The following AKAP10 variants were observed in gnomAD, a reference collection of about 807,000 sequenced individuals.
The protein encoded by AKAP10 is A-kinase anchor protein 10, mitochondrial.
Under a neutral mutation model 80.8 loss-of-function variants are expected in AKAP10, and 24 were observed. The ratio of observed to expected loss-of-function variants is 0.30; its 90% CI spans 0.22 to 0.42. The LOEUF (loss-of-function observed/expected upper bound fraction) is 0.42. Among genes scored for constraint, AKAP10 ranks in the 10% least tolerant of loss-of-function variants. The probability of loss-of-function intolerance (pLI) is 1.00; values close to 1 mark genes in which losing one functional copy is unlikely to be tolerated. For synonymous variants in AKAP10, 291 were observed against 277.7 expected (o/e 1.05, Z -0.48); for missense variants, 661 against 794.9 (o/e 0.83, Z 2.03).
intron 13 of AKAP10, among the ~76,000 whole-genome samples, 175 bp downstream of exon 13, chr17:19,909,751 C>G (rs1291875010): frequency 6.6e-6 from 1 of 152,122 alleles, no homozygotes; most frequent in South Asian, 2.1e-4. Context: ...TACTACCAGG[C>G]AATTGTTAGA....
chr17:19,956,333 G>A (rs1269897372), intron 4 of AKAP10, among the ~76,000 whole-genome samples: 1 of 152,088 alleles, frequency 6.6e-6, no homozygotes, highest in Admixed American at 6.5e-5. Flanking sequence ...CAAGAAACAT[G>A]TTCACGGCCA....
intron 2 of AKAP10, among the ~76,000 whole-genome samples, chr17:19,966,110 A>G (rs182045357): frequency 2.2e-4 from 33 of 152,302 alleles, no homozygotes; most frequent in Middle Eastern, 3.4e-3. Context: ...CATATATAAC[A>G]TATATAAATG....
At chr17:19,916,176 T>A (rs1003654879) in intron 12 of AKAP10, among the ~76,000 whole-genome samples, 20 of 152,212 alleles carry the variant, frequency 1.3e-4, no homozygotes, top group African/African-American at 4.6e-4. Flanking sequence ...AAATGCCACC[T>A]CCTCAGTGAG....
At position 19,946,252 on chromosome 17, in the gene AKAP10, T is replaced by A. The variant is rs1288838920; in HGVS notation, c.976+1155A>T. ...TATATATATATTATATATATATATA[T>A]ATATATATATATATATATATATATT... On this transcript the variant is annotated intron_variant, in intron 5 of 14. Coordinates refer to ENST00000225737, the MANE Select transcript of AKAP10 (RefSeq NM_007202.4). 3.1e-3 allele frequency among the ~76,000 whole-genome samples: 66 copies of A among 21,468 alleles called. 3 individuals are homozygous for A. Among genetic ancestry groups the A allele is most frequent in the African/African-American group, 0.012 (58 of 5,020 alleles). 14.1% of individuals were successfully genotyped at this position (21,468 alleles called of 152,430 possible). A position where few individuals can be genotyped will look rare whatever the true frequency, so the allele number is the denominator to read the frequency against.
At chr17:19,939,921 C>T in intron 7 of AKAP10, 72 bp from the exon 8 acceptor site, 1 of 1,493,230 alleles carries the variant, frequency 6.7e-7, no homozygotes, top group African/African-American at 1.4e-5. Flanking sequence ...AATCTATAAG[C>T]TCAAATATTA....
At chr17:19,950,726 GC>G (rs1202800076) in intron 4 of AKAP10, among the ~76,000 whole-genome samples, 2 of 152,052 alleles carry the variant, frequency 1.3e-5, no homozygotes, top group Non-Finnish European at 2.9e-5. Flanking sequence ...CTGCCCGGCC[GC>G]CACCCCGTCC....
chr17:19,954,986 G>A (rs1458974478), intron 4 of AKAP10, among the ~76,000 whole-genome samples: 2 of 151,922 alleles, frequency 1.3e-5, no homozygotes, highest in African/African-American at 2.4e-5. Context: ...TTGGGAGGCC[G>A]AGGCAGGTGG....
rs1491288818 is a variant in AKAP10, at chr17:19,946,237, T to TATTATA, written c.976+1169_976+1170insTATAAT. Among the ~76,000 whole-genome samples, 137 of 15,064 alleles carry TATTATA rather than the reference T, an allele frequency of 9.1e-3. 1 individual carries two copies. The highest frequency in any genetic ancestry group is 0.014 in the East Asian group (5 of 346). The allele number at this position is 15,064 out of a possible 152,430, so 9.9% of individuals were successfully genotyped here. On this transcript the variant is annotated intron_variant, in intron 5 of 14. Transcript: ENST00000225737. ...TATATATATTTTATATATATATATA[T>TATTATA]TATATATATATATATATATATATAT...
chr17:19,945,140 G>C (rs541616124), intron 5 of AKAP10, among the ~76,000 whole-genome samples: 1 of 152,254 alleles, frequency 6.6e-6, no homozygotes, highest in South Asian at 2.1e-4. Flanking sequence ...CAAATTCTTT[G>C]ATCACAAAAT....
chr17:19,924,824 T>A (rs189514459), intron 10 of AKAP10, among the ~76,000 whole-genome samples: 1 of 152,164 alleles, frequency 6.6e-6, no homozygotes, highest in East Asian at 1.9e-4. Context: ...CCAGGACTCC[T>A]CCCACCTCAG....
chr17:19,964,503 G>C (rs2043392503), intron 2 of AKAP10, among the ~76,000 whole-genome samples: 4 of 152,122 alleles, frequency 2.6e-5, no homozygotes, highest in Non-Finnish European at 4.4e-5. Flanking sequence ...CTTTCTGCTA[G>C]AAAGCATATT....
rs372075271 is a variant in AKAP10 at position 19,933,612 on chromosome 17, T to C, written c.1468-1634A>G. Among the ~76,000 whole-genome samples, 20 of 152,328 alleles carry C rather than the reference T, an allele frequency of 1.3e-4. No individual in the cohort carries two copies. In the East Asian group the frequency reaches 2.9e-3, roughly 22 times the overall value. ...TATGATACAGATCTGAACTTTTCCT[T>C]TAAAATCAGAAAAGGTTTAATTTTA... On this transcript the variant is annotated intron_variant, in intron 9 of 14. Coordinates refer to ENST00000225737, the MANE Select transcript of AKAP10 (RefSeq NM_007202.4).
intron 2 of AKAP10, among the ~76,000 whole-genome samples, chr17:19,965,896 C>T (rs909851381): frequency 7.9e-5 from 12 of 151,470 alleles, no homozygotes; most frequent in African/African-American, 2.9e-4. Flanking sequence ...TCTCTCAGGA[C>T]AATCTTGTAA....
intron 12 of AKAP10, among the ~76,000 whole-genome samples, chr17:19,911,452 A>AT (rs1232974055): frequency 3.9e-5 from 6 of 152,184 alleles, no homozygotes; most frequent in African/African-American, 1.4e-4. Flanking sequence ...AGCTAATTCC[A>AT]CTGGCTGACT....
rs560643952 is a variant in AKAP10, at chr17:19,946,079, TGA to T, written c.976+1326_976+1327del. On this transcript the variant is annotated intron_variant, in intron 5 of 14. Coordinates refer to ENST00000225737, the MANE Select transcript of AKAP10 (RefSeq NM_007202.4). Reference sequence around the variant, plus strand: ...TCTGAAATGTTTGTCCTTACTACTCTGAGATACTTTGATTTTTTTATTCTAGT... The same window carrying T: ...TCTGAAATGTTTGTCCTTACTACTCTGATACTTTGATTTTTTTATTCTAGT... Among the ~76,000 whole-genome samples the T allele has an allele frequency of 4.4e-4, 62 of 142,514 alleles. 1 individual carries two copies. Among genetic ancestry groups the T allele is most frequent in the African/African-American group, 1.6e-3 (62 of 38,584 alleles). 93.5% of individuals were successfully genotyped at this position (142,514 alleles called of 152,430 possible).
chr17:19,949,004 G>C (rs1255687191), intron 4 of AKAP10, among the ~76,000 whole-genome samples: 1 of 152,082 alleles, frequency 6.6e-6, no homozygotes, highest in Non-Finnish European at 1.5e-5. Context: ...ATCATGTAAC[G>C]TAAGTCAAAC....
intron 10 of AKAP10, among the ~76,000 whole-genome samples, chr17:19,925,474 A>G (rs1312723998): frequency 6.6e-6 from 1 of 152,222 alleles, no homozygotes; most frequent in Non-Finnish European, 1.5e-5. Flanking sequence ...CCTCCACAAG[A>G]AAAACCAGAA....
intron 3 of AKAP10, among the ~76,000 whole-genome samples, chr17:19,962,151 A>G (rs2043357638): frequency 6.6e-6 from 1 of 152,134 alleles, no homozygotes; most frequent in South Asian, 2.1e-4. Context: ...TGGCTATATT[A>G]TACTCCAGAG....
intron 14 of AKAP10, among the ~76,000 whole-genome samples, chr17:19,907,014 GTTTTT>G (rs35907139): frequency 0.019 from 2,825 of 149,296 alleles, 70 homozygotes; most frequent in African/African-American, 0.066. Context: ...CGAGTCTACT[GTTTTT>G]TTTTGTTTTT....
Sources: gnomAD v4.1 joint callset for allele counts (sites outside exome capture counted in the v4.1 genomes callset) on GRCh38, gnomAD v4.1.1 for gene constraint, MANE v1.5 for transcripts, NCBI Gene and HGNC (gene_info 2026-07-23, HGNC 2026-07-21) for gene names.